The following MSR1 variants were observed in gnomAD, a reference collection of about 807,000 sequenced individuals.
The protein encoded by MSR1 is macrophage scavenger receptor 1.
Under a neutral mutation model 47.2 loss-of-function variants are expected in MSR1, and 53 were observed. That is an observed-to-expected ratio of 1.12 (90% CI 0.90 to 1.41). The LOEUF (loss-of-function observed/expected upper bound fraction) is 1.41, where lower values mean the gene tolerates loss of function less well. Among genes scored for constraint, MSR1 ranks in the 40% most tolerant of loss-of-function variants. The pLI is 0.00. For synonymous variants in MSR1, 239 were observed against 185.6 expected, an observed-to-expected ratio of 1.29 and a Z score of -2.34; for missense variants, 786 against 546.9, an observed-to-expected ratio of 1.44 and a Z score of -4.36.
intron 1 of MSR1, among the ~76,000 whole-genome samples, chr8:16,188,431 G>C (rs1343179441): frequency 6.6e-6 from 1 of 151,910 alleles, no homozygotes; most frequent in Non-Finnish European, 1.5e-5. Context: ...GTATCATTTG[G>C]TATTACGCGT....
At chr8:16,171,172 C>T (rs1044669333) in intron 3 of MSR1, among the ~76,000 whole-genome samples, 8 of 145,186 alleles carry the variant, frequency 5.5e-5, no homozygotes, top group South Asian at 2.2e-4. Context: ...TGCAGTGTGC[C>T]GAGATTGTGC....
chr8:16,176,454 C>A (rs1801649617), intron 2 of MSR1, among the ~76,000 whole-genome samples: 1 of 147,706 alleles, frequency 6.8e-6, no homozygotes, highest in Non-Finnish European at 1.5e-5. Context: ...CTGCAATGGG[C>A]TATGATCGCA....
chr8:16,120,539 G>C lies in MSR1; in HGVS notation c.1101C>G (p.His367Gln). The stretch of plus-strand genomic sequence containing the variant: ...CACAAATTGTACCCCACTGGCCGCT[G>C]TGGAGTATCTCCACCCTCCCCTCGT... ...GPHEGRVEIL[H>Q]SGQWGTICDD... Residue 367 changes from histidine to glutamine, a missense_variant, in exon 9 of 10, where the codon CAC becomes CAG. By Grantham distance (24) the His-to-Gln change is conservative. Transcript: ENST00000262101. The C allele has an allele frequency of 6.2e-7, 1 of 1,610,480 alleles. No individual in the cohort carries two copies. The highest frequency in any genetic ancestry group is 1.4e-5 in the African/African-American group (1 of 73,926).
intron 5 of MSR1, among the ~76,000 whole-genome samples, chr8:16,161,846 T>A (rs111946385): frequency 4.2e-4 from 64 of 152,142 alleles, no homozygotes; most frequent in African/African-American, 1.5e-3. Context: ...AACTAGTGTA[T>A]TTGAAATGAA....
intron 7 of MSR1, among the ~76,000 whole-genome samples, chr8:16,149,859 C>G (rs1800798974): frequency 6.6e-6 from 1 of 151,654 alleles, no homozygotes. Context: ...TTTCAACTCT[C>G]TTTGTTCAAA....
At chr8:16,157,093 A>G (rs1471804586) in intron 5 of MSR1, among the ~76,000 whole-genome samples, 1 of 152,018 alleles carries the variant, frequency 6.6e-6, no homozygotes, top group Non-Finnish European at 1.5e-5. Context: ...AAAGTGCGCA[A>G]GCAAAGATTT....
At chr8:16,166,074 T>G (rs140631469) in intron 4 of MSR1, among the ~76,000 whole-genome samples, 7 of 152,190 alleles carry the variant, frequency 4.6e-5, no homozygotes, top group African/African-American at 1.7e-4. Flanking sequence ...GCATAAAGTG[T>G]TAAGTGACTA....
intron 8 of MSR1, among the ~76,000 whole-genome samples, chr8:16,136,904 C>T (rs1203584164): frequency 6.6e-6 from 1 of 152,000 alleles, no homozygotes; most frequent in East Asian, 1.9e-4. Context: ...AATTTGTGAA[C>T]CCACAGAAAG....
intron 8 of MSR1, among the ~76,000 whole-genome samples, chr8:16,134,119 T>C (rs1291396953): frequency 6.6e-6 from 1 of 152,220 alleles, no homozygotes. Context: ...ATTGTGCCTA[T>C]AAACTTTTCA....
At chr8:16,192,331 A>C (rs1002119100) in intron 1 of MSR1, among the ~76,000 whole-genome samples, 1 of 152,182 alleles carries the variant, frequency 6.6e-6, no homozygotes, top group African/African-American at 2.4e-5. Context: ...TCAAACTACA[A>C]AGCATTTAGT....
intron 8 of MSR1, among the ~76,000 whole-genome samples, chr8:16,128,213 C>G (rs966616309): frequency 2.0e-5 from 3 of 152,146 alleles, no homozygotes; most frequent in Non-Finnish European, 2.9e-5. Flanking sequence ...TGCCCACAGA[C>G]AGAGGATCAA....
intron 5 of MSR1, among the ~76,000 whole-genome samples, chr8:16,155,801 T>C (rs1023803653): frequency 1.4e-4 from 21 of 151,608 alleles, no homozygotes; most frequent in African/African-American, 5.1e-4. Context: ...TGAAAATGAG[T>C]AGAGGAATTC....
At chr8:16,174,012 C>G (rs1469449586) in intron 3 of MSR1, among the ~76,000 whole-genome samples, 3 of 152,038 alleles carry the variant, frequency 2.0e-5, no homozygotes, top group Non-Finnish European at 4.4e-5. Context: ...AACTGGGAGA[C>G]AAGAGACCAG....
In MSR1 at chr8:16,109,523, G is replaced by A. The variant is rs1415881221; in HGVS notation, c.*562C>T. 1 of 157,850 alleles carries A rather than the reference G, an allele frequency of 6.3e-6. No homozygotes were observed. Among genetic ancestry groups the A allele is most frequent in the Non-Finnish European group, 1.4e-5 (1 of 71,376 alleles). 9.8% of individuals were successfully genotyped at this position (157,850 alleles called of 1,614,324 possible). A position where few individuals can be genotyped will look rare whatever the true frequency, so the allele number is the denominator to read the frequency against. ...AAAAATAAGCTCCCTGGTCCATAGTGGCCAAGACATATCATTAACATTGAT... is the reference window on the plus strand; with the variant it reads ...AAAAATAAGCTCCCTGGTCCATAGTAGCCAAGACATATCATTAACATTGAT... On this transcript the variant is annotated 3_prime_UTR_variant, in exon 10 of 10. Transcript: ENST00000262101.
chr8:16,127,902 G>T (rs1003999001), intron 8 of MSR1, among the ~76,000 whole-genome samples: 12 of 152,100 alleles, frequency 7.9e-5, no homozygotes, highest in East Asian at 1.9e-4. Flanking sequence ...AGAAGTGATT[G>T]CCCAGGTCAT....
At chr8:16,160,050 A>C (rs73665237) in intron 5 of MSR1, among the ~76,000 whole-genome samples, 2,314 of 152,118 alleles carry the variant, frequency 0.015, 55 homozygotes, top group African/African-American at 0.052. Flanking sequence ...AAGACTAGTT[A>C]AGAGACACAC....
intron 3 of MSR1, among the ~76,000 whole-genome samples, chr8:16,172,130 T>C (rs1036510914): frequency 1.3e-5 from 2 of 152,194 alleles, no homozygotes; most frequent in Non-Finnish European, 2.9e-5. Context: ...CACAGTCATC[T>C]CTCTGCTTTA....
intron 6 of MSR1, among the ~76,000 whole-genome samples, chr8:16,150,534 C>T (rs984707036): frequency 2.6e-5 from 4 of 152,032 alleles, no homozygotes; most frequent in South Asian, 2.1e-4. Flanking sequence ...CAATAAATAA[C>T]ATATTGTTGG....
At chr8:16,167,993 C>A (rs1307984853) in intron 4 of MSR1, among the ~76,000 whole-genome samples, 1 of 152,084 alleles carries the variant, frequency 6.6e-6, no homozygotes, top group South Asian at 2.1e-4. Context: ...CATACAAAAA[C>A]TGTAATACCA....
Sources: allele counts gnomAD v4.1 joint callset (sites outside exome capture counted in the v4.1 genomes callset), GRCh38; gene constraint gnomAD v4.1.1; transcripts MANE v1.5; gene names NCBI Gene and HGNC (gene_info 2026-07-23, HGNC 2026-07-21).